XKR9: variants seen among roughly 807,000 people sequenced by gnomAD.
XKR9 encodes XK-related protein 9.
Under a neutral mutation model 32.0 loss-of-function variants are expected in XKR9, and 32 were observed. The ratio of observed to expected loss-of-function variants is 1.00; its 90% CI spans 0.76 to 1.34. The LOEUF (loss-of-function observed/expected upper bound fraction) is 1.34, where lower values mean the gene tolerates loss of function less well. Among genes scored for constraint, XKR9 ranks in the 40% most tolerant of loss-of-function variants. The pLI is 0.00. For synonymous variants in XKR9, 168 were observed against 143.4 expected, an observed-to-expected ratio of 1.17 and a Z score of -1.22; for missense variants, 546 against 429.7, an observed-to-expected ratio of 1.27 and a Z score of -2.39.
intron 3 of XKR9, among the ~76,000 whole-genome samples, chr8:70,701,999 A>C (rs780801073): frequency 6.6e-6 from 1 of 152,152 alleles, no homozygotes; most frequent in Non-Finnish European, 1.5e-5. Context: ...AGTACATATA[A>C]AAAGTTTAAA....
At chr8:71,059,350 C>T in the XKR9 span, among the ~76,000 whole-genome samples, 1 of 152,182 alleles carries the variant, frequency 6.6e-6, no homozygotes, top group Non-Finnish European at 1.5e-5. Flanking sequence ...TCCCCTTTGC[C>T]AGAAGTGTAA....
the XKR9 span, among the ~76,000 whole-genome samples, chr8:70,846,336 T>A: frequency 6.6e-6 from 1 of 151,920 alleles, no homozygotes; most frequent in African/African-American, 2.4e-5. Context: ...AAAGATGATA[T>A]ATACCATCAT....
At chr8:70,792,026 T>C (rs1385344213), downstream of XKR9, among the ~76,000 whole-genome samples, 1 of 152,070 alleles carries the variant, frequency 6.6e-6, no homozygotes, top group Non-Finnish European at 1.5e-5. Context: ...TACCACACAC[T>C]TCTCCTCTGT....
chr8:70,985,586 T>A, the XKR9 span, among the ~76,000 whole-genome samples: 16 of 152,248 alleles, frequency 1.1e-4, no homozygotes, highest in African/African-American at 3.9e-4. Context: ...CTGGCATTTC[T>A]GAGAATAATT....
At chr8:70,746,959 A>T (rs747899508) in intron 2 of XKR9, among the ~76,000 whole-genome samples, 3 of 152,016 alleles carry the variant, frequency 2.0e-5, no homozygotes, top group Non-Finnish European at 2.9e-5. Context: ...TATTGTTCCC[A>T]TCTCTGTGTC....
intron 3 of XKR9, among the ~76,000 whole-genome samples, chr8:70,689,341 A>C (rs565205425): frequency 6.6e-6 from 1 of 151,736 alleles, no homozygotes; most frequent in African/African-American, 2.4e-5. Flanking sequence ...CTGAATGACT[A>C]TATACTCTCT....
At chr8:70,859,646 C>G in the XKR9 span, among the ~76,000 whole-genome samples, 1 of 152,076 alleles carries the variant, frequency 6.6e-6, no homozygotes, top group East Asian at 1.9e-4. Context: ...CAATGGAATA[C>G]TAGTTGGTCA....
the XKR9 span, among the ~76,000 whole-genome samples, chr8:70,856,760 T>A: frequency 6.6e-6 from 1 of 151,956 alleles, no homozygotes; most frequent in Non-Finnish European, 1.5e-5. Context: ...GAACAGAAAT[T>A]ATAACAAACC....
chr8:70,849,461 T>C, the XKR9 span, among the ~76,000 whole-genome samples: 1 of 152,122 alleles, frequency 6.6e-6, no homozygotes, highest in East Asian at 1.9e-4. Flanking sequence ...GACACAGCTA[T>C]CGCAGTGTTT....
chr8:70,796,194 C>G, the XKR9 span, among the ~76,000 whole-genome samples: 1 of 151,872 alleles, frequency 6.6e-6, no homozygotes, highest in African/African-American at 2.4e-5. Context: ...AGTAGTTTTT[C>G]AATCCTTACC....
the XKR9 span, among the ~76,000 whole-genome samples, chr8:70,836,367 G>T: frequency 6.6e-6 from 1 of 151,976 alleles, no homozygotes; most frequent in Non-Finnish European, 1.5e-5. Flanking sequence ...CTACCCTGAG[G>T]TGACCACTGT....
the XKR9 span, among the ~76,000 whole-genome samples, chr8:70,824,588 C>G: frequency 1.4e-3 from 220 of 152,142 alleles, 1 homozygote; most frequent in African/African-American, 5.1e-3. Context: ...TTAAGAAGAT[C>G]ATATCTTCTT....
At chr8:70,751,866 G>C (rs1408555841) in intron 2 of XKR9, among the ~76,000 whole-genome samples, 2 of 152,098 alleles carry the variant, frequency 1.3e-5, no homozygotes, top group Non-Finnish European at 2.9e-5. Flanking sequence ...CAGCTTCCTT[G>C]GTTTTCCAGT....
At chr8:71,011,954 C>T in the XKR9 span, among the ~76,000 whole-genome samples, 3 of 152,124 alleles carry the variant, frequency 2.0e-5, no homozygotes, top group Non-Finnish European at 4.4e-5. Context: ...CTCTTATATA[C>T]ACTTGCTTTC....
chr8:70,899,065 C>T, the XKR9 span, among the ~76,000 whole-genome samples: 883 of 152,238 alleles, frequency 5.8e-3, 3 homozygotes, highest in Non-Finnish European at 9.5e-3. Context: ...AATTGTGCAC[C>T]ACTATGCCTA....
At chr8:70,999,583 T>C in the XKR9 span, among the ~76,000 whole-genome samples, 1 of 152,160 alleles carries the variant, frequency 6.6e-6, no homozygotes, top group East Asian at 1.9e-4. Flanking sequence ...CTGTTCATGG[T>C]GGAAAAAAAC....
chr8:71,046,313 G>T, the XKR9 span, among the ~76,000 whole-genome samples: 1 of 152,144 alleles, frequency 6.6e-6, no homozygotes, highest in African/African-American at 2.4e-5. Flanking sequence ...GCGGTGCAGG[G>T]GTAGCCAAGG....
chr8:71,026,160 CT>C, the XKR9 span, among the ~76,000 whole-genome samples: 1 of 152,174 alleles, frequency 6.6e-6, no homozygotes, highest in East Asian at 1.9e-4. Flanking sequence ...TAGTTATTTT[CT>C]TCTGGTTAGC....
chr8:70,975,062 A>G, the XKR9 span, among the ~76,000 whole-genome samples: 1 of 152,006 alleles, frequency 6.6e-6, no homozygotes, highest in African/African-American at 2.4e-5. Context: ...TGTTCACATC[A>G]TTTGCCCACT....
Sources: gnomAD v4.1 joint callset for allele counts (sites outside exome capture counted in the v4.1 genomes callset) on GRCh38, gnomAD v4.1.1 for gene constraint, MANE v1.5 for transcripts, NCBI Gene and HGNC (gene_info 2026-07-23, HGNC 2026-07-21) for gene names.